Variants in DOCK2 observed in about 807,000 individuals in gnomAD.
DOCK2 encodes the protein dedicator of cytokinesis 2, also known as dedicator of cytokinesis protein 2.
A neutral mutation model predicts 248.9 loss-of-function variants in DOCK2; 87 were observed. The observed-to-expected ratio is 0.35, with a 90% CI of 0.29 to 0.42. The LOEUF is 0.42. Ranked by LOEUF, DOCK2 falls within the 10% of genes least tolerant of loss-of-function variation. The pLI, the probability that DOCK2 is intolerant of heterozygous loss-of-function variation, is 1.00. For synonymous variants in DOCK2, 805 were observed against 821.6 expected (o/e 0.98, Z 0.35); for missense variants, 1,747 against 2,300.2 (o/e 0.76, Z 4.92).
intron 27 of DOCK2, among the ~76,000 whole-genome samples, chr5:169,964,437 A>C (rs1777217129): frequency 6.6e-6 from 1 of 152,210 alleles, no homozygotes; most frequent in South Asian, 2.1e-4. Context: ...AGCAGGAGAG[A>C]GGCCTGGGAG....
At chr5:169,872,550 G>C (rs1439477789) in intron 27 of DOCK2, among the ~76,000 whole-genome samples, 1 of 152,126 alleles carries the variant, frequency 6.6e-6, no homozygotes, top group East Asian at 1.9e-4. Context: ...AAAATCACAG[G>C]TTCTCTTCTT....
chr5:170,046,412 G>A (rs1488600060), intron 39 of DOCK2, among the ~76,000 whole-genome samples: 1 of 152,122 alleles, frequency 6.6e-6, no homozygotes, highest in Non-Finnish European at 1.5e-5. Flanking sequence ...GGTTTGGCGG[G>A]GAGTTGGACT....
intron 38 of DOCK2, among the ~76,000 whole-genome samples, 153 bp downstream of exon 38, chr5:170,042,285 T>A (rs1756545331): frequency 6.6e-6 from 1 of 152,144 alleles, no homozygotes; most frequent in Admixed American, 6.5e-5. Context: ...CCATCTCCAT[T>A]CCTTCCACCT....
intron 27 of DOCK2, among the ~76,000 whole-genome samples, chr5:169,872,270 G>A (rs985539131): frequency 2.6e-5 from 4 of 152,182 alleles, no homozygotes; most frequent in Middle Eastern, 3.2e-3. Context: ...TGGATGCAGC[G>A]AGAGTAGTTT....
chr5:169,850,535 A>G (rs1770566121), intron 27 of DOCK2, among the ~76,000 whole-genome samples: 1 of 105,630 alleles, frequency 9.5e-6, no homozygotes, highest in Admixed American at 8.9e-5. Context: ...AATCAAGTTA[A>G]GAAAGAAAAT....
chr5:170,077,657 G>T, intron 47 of DOCK2, 53 bp from the exon 48 acceptor site: 8 of 1,604,248 alleles, frequency 5.0e-6, no homozygotes, highest in Non-Finnish European at 6.8e-6. Flanking sequence ...CAGGAAGGCT[G>T]GGGCCACCTT....
At chr5:169,947,876 A>G (rs747888961) in intron 27 of DOCK2, among the ~76,000 whole-genome samples, 4 of 152,194 alleles carry the variant, frequency 2.6e-5, no homozygotes, top group Non-Finnish European at 5.9e-5. Flanking sequence ...CTGGGTGAGC[A>G]TGAGCATACA....
chr5:169,857,169 A>G (rs1400129213), intron 27 of DOCK2, among the ~76,000 whole-genome samples: 1 of 152,232 alleles, frequency 6.6e-6, no homozygotes, highest in Non-Finnish European at 1.5e-5. Flanking sequence ...GGACTAGGTC[A>G]CATGTAATAA....
chr5:169,761,555 T>A lies in DOCK2; in HGVS notation c.2484T>A (p.Pro828=). ...LLYEFYTCIP[P]VKLQKQKVQS... ...ATGAGTTCTACACCTGCATCCCTCCTGTGAAACTCCAGAAGCAGAAAGTAC... is the reference window on the plus strand; with the variant it reads ...ATGAGTTCTACACCTGCATCCCTCCAGTGAAACTCCAGAAGCAGAAAGTAC... Residue 828 remains proline (P), a synonymous_variant, in exon 25 of 52, where the codon CCT becomes CCA. Transcript: ENST00000520908. The A allele has an allele frequency of 6.2e-7, 1 of 1,614,108 alleles. No individual in the cohort carries two copies. Among genetic ancestry groups the A allele is most frequent in the African/African-American group, 1.3e-5 (1 of 75,052 alleles).
chr5:169,970,971 C>T (rs2113763528), intron 27 of DOCK2, among the ~76,000 whole-genome samples: 1 of 152,028 alleles, frequency 6.6e-6, no homozygotes, highest in East Asian at 1.9e-4. Flanking sequence ...GCCATCCTCT[C>T]CAAGACAGGG....
At position 169,849,129 on chromosome 5, in the gene DOCK2, G is replaced by A. The variant is rs182750211; in HGVS notation, c.2799+8277G>A. Among the ~76,000 whole-genome samples, 144 of 152,286 alleles carry A rather than the reference G, an allele frequency of 9.5e-4. 1 individual carries two copies. The highest frequency in any genetic ancestry group is 3.4e-3 in the Middle Eastern group (1 of 294). ...GCCAGGAGTGGTTAGTTGGCTCTTGGCCTTCACTCAGCACCCCTGTACCTT... is the reference window on the plus strand; with the variant it reads ...GCCAGGAGTGGTTAGTTGGCTCTTGACCTTCACTCAGCACCCCTGTACCTT... On this transcript the variant is annotated intron_variant, in intron 27 of 51. Transcript: ENST00000520908.
At chr5:169,756,179 T>C (rs1036704681) in intron 23 of DOCK2, among the ~76,000 whole-genome samples, 5 of 152,238 alleles carry the variant, frequency 3.3e-5, no homozygotes, top group African/African-American at 1.2e-4. Context: ...GCTGGGAAGA[T>C]GGGCTTCTTC....
chr5:169,681,730 T>C lies in DOCK2; in HGVS notation c.471-14T>C. 1 of 1,611,702 alleles carries C rather than the reference T, an allele frequency of 6.2e-7. No homozygotes were observed. Among genetic ancestry groups the C allele is most frequent in the Non-Finnish European group, 8.5e-7 (1 of 1,178,880 alleles). On this transcript the variant is annotated splice_polypyrimidine_tract_variant and intron_variant, in intron 6 of 51. Coordinates refer to ENST00000520908, the MANE Select transcript of DOCK2 (RefSeq NM_004946.3). Reference sequence around the variant, plus strand: ...TCCCCTGATTTGTCTTCACCTCCAGTTTTTGCTTTACAGAATCCTTGAGCT... The same window carrying C: ...TCCCCTGATTTGTCTTCACCTCCAGCTTTTGCTTTACAGAATCCTTGAGCT...
intron 30 of DOCK2, among the ~76,000 whole-genome samples, chr5:170,007,420 A>G (rs917821593): frequency 9.2e-5 from 14 of 152,216 alleles, no homozygotes; most frequent in African/African-American, 3.1e-4. Flanking sequence ...GGAATAAGGA[A>G]AAGCACAACA....
chr5:170,082,689 G>A, intron 51 of DOCK2, 107 bp from the exon 52 acceptor site: 2 of 1,388,274 alleles, frequency 1.4e-6, no homozygotes, highest in Middle Eastern at 1.8e-4. Context: ...CTGGGCTTTG[G>A]GCAGGGGTCA....
chr5:169,938,505 A>C (rs974313040), intron 27 of DOCK2, among the ~76,000 whole-genome samples: 4 of 152,214 alleles, frequency 2.6e-5, no homozygotes, highest in Non-Finnish European at 1.5e-5. Context: ...GGTAAATGTA[A>C]TGTGTTTTTC....
intron 38 of DOCK2, 28 bp from the exon 39 acceptor site, chr5:170,045,788 C>T (rs765179212): frequency 1.2e-6 from 2 of 1,611,780 alleles, no homozygotes; most frequent in Admixed American, 1.7e-5. Context: ...GGTGCCACCT[C>T]ACCTTTGTCC....
chr5:169,953,583 G>A (rs564488257), intron 27 of DOCK2, among the ~76,000 whole-genome samples: 44 of 152,286 alleles, frequency 2.9e-4, no homozygotes, highest in African/African-American at 1.0e-3. Context: ...ATTATTAATA[G>A]CATTAGACGA....
At chr5:169,701,532 GGGTTT>G (rs1308594798) in intron 13 of DOCK2, among the ~76,000 whole-genome samples, 1 of 151,428 alleles carries the variant, frequency 6.6e-6, no homozygotes, top group Non-Finnish European at 1.5e-5. Flanking sequence ...TTTTGAGATG[GGGTTT>G]AGCTCTGTTA....
Sources: gnomAD v4.1 joint callset for allele counts (sites outside exome capture counted in the v4.1 genomes callset) on GRCh38, gnomAD v4.1.1 for gene constraint, MANE v1.5 for transcripts, NCBI Gene and HGNC (gene_info 2026-07-23, HGNC 2026-07-21) for gene names.